Variants in CFAP58 observed in about 807,000 individuals in gnomAD.
The protein encoded by CFAP58 is cilia and flagella associated protein 58.
A neutral mutation model predicts 119.5 loss-of-function variants in CFAP58; 88 were observed. The observed-to-expected ratio is 0.74, with a 90% CI of 0.62 to 0.88. The LOEUF (loss-of-function observed/expected upper bound fraction) is 0.88. Ranked by LOEUF, CFAP58 falls within the 40% of genes least tolerant of loss-of-function variation. CFAP58 has a pLI of 0.00. For synonymous variants in CFAP58, 365 were observed against 366.3 expected (o/e 1.00, Z 0.04); for missense variants, 990 against 1,021.2 (o/e 0.97, Z 0.42).
chr10:104,417,818 G>C (rs1278026933), intron 15 of CFAP58, among the ~76,000 whole-genome samples: 1 of 152,172 alleles, frequency 6.6e-6, no homozygotes, highest in Non-Finnish European at 1.5e-5. Flanking sequence ...ACAGAGAAGG[G>C]AACTGAACTT....
chr10:104,415,579 C>T (rs1206725513), intron 15 of CFAP58, among the ~76,000 whole-genome samples: 1 of 152,074 alleles, frequency 6.6e-6, no homozygotes, highest in African/African-American at 2.4e-5. Context: ...ACTGTGGGCC[C>T]TCGCAGTGTA....
chr10:104,358,689 C>T (rs2014628756), intron 2 of CFAP58, 67 bp downstream of exon 2: 36 of 1,432,928 alleles, frequency 2.5e-5, no homozygotes, highest in Non-Finnish European at 2.9e-5. Flanking sequence ...ATATTGGCAC[C>T]TCTAGGCTGG....
chr10:104,444,785 C>T (rs1280055144), intron 15 of CFAP58, among the ~76,000 whole-genome samples: 2 of 152,208 alleles, frequency 1.3e-5, no homozygotes, highest in Non-Finnish European at 2.9e-5. Context: ...TTTGCCTCTG[C>T]TCTTCATGTA....
At chr10:104,362,955 C>G (rs966642503) in intron 3 of CFAP58, among the ~76,000 whole-genome samples, 8 of 152,198 alleles carry the variant, frequency 5.3e-5, no homozygotes, top group African/African-American at 1.9e-4. Flanking sequence ...ACCTCCATGC[C>G]TTTGTACATG....
intron 15 of CFAP58, among the ~76,000 whole-genome samples, chr10:104,420,352 G>C (rs888603526): frequency 6.6e-6 from 1 of 152,276 alleles, no homozygotes; most frequent in African/African-American, 2.4e-5. Flanking sequence ...TGGTAAGCTC[G>C]ATTAGGCAGA....
intron 9 of CFAP58, 41 bp from the exon 10 acceptor site, chr10:104,392,192 T>C: frequency 6.7e-7 from 1 of 1,503,552 alleles, no homozygotes; most frequent in Non-Finnish European, 8.7e-7. Context: ...TAAGCACAGA[T>C]GGGCTATTTA....
At chr10:104,372,815 T>A (rs948577603) in intron 7 of CFAP58, among the ~76,000 whole-genome samples, 1 of 152,264 alleles carries the variant, frequency 6.6e-6, no homozygotes, top group African/African-American at 2.4e-5. Context: ...TACAAAGTTA[T>A]CATTCTCTCT....
chr10:104,351,038 C>G (rs1358559436), upstream of CFAP58, among the ~76,000 whole-genome samples: 1 of 152,208 alleles, frequency 6.6e-6, no homozygotes, highest in African/African-American at 2.4e-5. Context: ...TGGAGTTTCT[C>G]TGGATCATGG....
chr10:104,377,148 A>G (rs1018091072), intron 8 of CFAP58, among the ~76,000 whole-genome samples: 2 of 152,182 alleles, frequency 1.3e-5, no homozygotes, highest in African/African-American at 4.8e-5. Flanking sequence ...GGGATTTCAG[A>G]GTGTTTTGTG....
chr10:104,403,488 ACT>A (rs1564893870), intron 13 of CFAP58, among the ~76,000 whole-genome samples: 2 of 146,818 alleles, frequency 1.4e-5, no homozygotes, highest in Non-Finnish European at 3.0e-5. Flanking sequence ...CAGAACCATG[ACT>A]CTGACTCTGA....
intron 15 of CFAP58, among the ~76,000 whole-genome samples, chr10:104,407,454 G>A (rs1470257186): frequency 1.3e-5 from 2 of 152,158 alleles, no homozygotes; most frequent in Non-Finnish European, 2.9e-5. Context: ...GCGCCCACGA[G>A]TTTAGTGTGG....
intron 15 of CFAP58, among the ~76,000 whole-genome samples, chr10:104,445,417 A>G (rs1310231896): frequency 6.6e-6 from 1 of 152,152 alleles, no homozygotes; most frequent in Non-Finnish European, 1.5e-5. Context: ...AGACAGGATA[A>G]ATGACAACAT....
chr10:104,438,670 C>T (rs1019537517), intron 15 of CFAP58, among the ~76,000 whole-genome samples: 2 of 152,130 alleles, frequency 1.3e-5, no homozygotes, highest in Admixed American at 6.5e-5. Flanking sequence ...CCACCGCGCC[C>T]GGCCCATCAA....
rs1564904689 is a variant in CFAP58 at position 104,438,333 on chromosome 10, TGTTTTTTGTTTTTTG to T, written c.2257-9364_2257-9350del. ...TCAATGGGAATTTTTATTGTTTTTT[TGTTTTTTGTTTTTTG>T]TTTTTTTTTTTTGTTTTTTTTTTTT... is the stretch of plus-strand genomic sequence containing the variant. On this transcript the variant is annotated intron_variant, in intron 15 of 17. Transcript: ENST00000369704. 7.0e-3 allele frequency among the ~76,000 whole-genome samples: 952 copies of T among 136,104 alleles called. 78 individuals carry two copies. The highest frequency in any genetic ancestry group is 0.027 in the African/African-American group (907 of 33,072). The allele number at this position is 136,104 out of a possible 152,430, so 89.3% of individuals were successfully genotyped here.
chr10:104,396,448 G>A (rs1360246444), intron 11 of CFAP58, among the ~76,000 whole-genome samples: 1 of 128,034 alleles, frequency 7.8e-6, no homozygotes, highest in African/African-American at 3.2e-5. Flanking sequence ...GAAAGAGAGA[G>A]AGAGAAAGAA....
chr10:104,422,005 A>G (rs994135452), intron 15 of CFAP58, among the ~76,000 whole-genome samples: 9 of 151,986 alleles, frequency 5.9e-5, no homozygotes, highest in Admixed American at 5.9e-4. Flanking sequence ...GGCCAATGTG[A>G]TGAAACCCTG....
chr10:104,452,392 G>A (rs900881401), intron 17 of CFAP58, among the ~76,000 whole-genome samples: 2 of 152,110 alleles, frequency 1.3e-5, no homozygotes, highest in Non-Finnish European at 2.9e-5. Flanking sequence ...GGAGACTGAT[G>A]GTCTAGTTTA....
At chr10:104,361,278 G>T (rs1004602441) in intron 2 of CFAP58, among the ~76,000 whole-genome samples, 3 of 152,134 alleles carry the variant, frequency 2.0e-5, no homozygotes, top group Non-Finnish European at 4.4e-5. Flanking sequence ...TCCATTCCCC[G>T]TTATGGGTTT....
intron 16 of CFAP58, 44 bp from the exon 17 acceptor site, chr10:104,450,027 G>C (rs777913060): frequency 6.4e-7 from 1 of 1,562,690 alleles, no homozygotes; most frequent in Non-Finnish European, 8.6e-7. Context: ...TCTCAGAAAA[G>C]GATATTGTAT....
Sources: allele counts gnomAD v4.1 joint callset (sites outside exome capture counted in the v4.1 genomes callset), GRCh38; gene constraint gnomAD v4.1.1; transcripts MANE v1.5; gene names NCBI Gene and HGNC (gene_info 2026-07-23, HGNC 2026-07-21).